STK32B: variants seen among roughly 807,000 people sequenced by gnomAD.
STK32B encodes the protein serine/threonine kinase 32B.
A neutral mutation model predicts 52.6 loss-of-function variants in STK32B; 43 were observed. The ratio of observed to expected loss-of-function variants is 0.82; its 90% CI spans 0.64 to 1.05. The LOEUF (loss-of-function observed/expected upper bound fraction) is 1.05. Ranked by LOEUF, STK32B falls within the 50% of genes least tolerant of loss-of-function variation. The pLI is 0.00. For synonymous variants in STK32B, 238 were observed against 204.3 expected (o/e 1.17, Z -1.41); for missense variants, 621 against 534.6 (o/e 1.16, Z -1.59).
At chr4:5,429,593 G>C (rs994552344) in intron 6 of STK32B, among the ~76,000 whole-genome samples, 11 of 151,638 alleles carry the variant, frequency 7.3e-5, no homozygotes, top group Middle Eastern at 3.5e-3. Context: ...GCTTCAAATA[G>C]TCAATTATAT....
chr4:5,326,330 A>T (rs1731872389), intron 3 of STK32B, among the ~76,000 whole-genome samples: 1 of 152,198 alleles, frequency 6.6e-6, no homozygotes, highest in Non-Finnish European at 1.5e-5. Context: ...AATACATGAA[A>T]AGTTGTAACT....
intron 4 of STK32B, among the ~76,000 whole-genome samples, chr4:5,351,815 A>G (rs371996744): frequency 6.6e-6 from 1 of 152,102 alleles, no homozygotes; most frequent in African/African-American, 2.4e-5. Flanking sequence ...ATCAGATACC[A>G]TGATGAACAA....
At chr4:5,267,209 G>A (rs1727109287) in intron 3 of STK32B, among the ~76,000 whole-genome samples, 1 of 152,192 alleles carries the variant, frequency 6.6e-6, no homozygotes, top group South Asian at 2.1e-4. Flanking sequence ...AGTGAGCAAT[G>A]GGTATTCAAT....
At chr4:5,462,075 GTGTGGGTA>G (rs1047531476) in intron 9 of STK32B, among the ~76,000 whole-genome samples, 3 of 152,314 alleles carry the variant, frequency 2.0e-5, no homozygotes, top group African/African-American at 7.2e-5. Flanking sequence ...CTGTGTGCCT[GTGTGGGTA>G]TGTGTGGAAG....
chr4:5,317,126 A>C (rs1219241161), intron 3 of STK32B, among the ~76,000 whole-genome samples: 1 of 40,864 alleles, frequency 2.4e-5, no homozygotes, highest in Non-Finnish European at 3.5e-5. Context: ...ATAATACATT[A>C]TAATATATAA....
At chr4:5,205,345 A>G (rs764730960) in intron 3 of STK32B, among the ~76,000 whole-genome samples, 1 of 152,152 alleles carries the variant, frequency 6.6e-6, no homozygotes, top group Non-Finnish European at 1.5e-5. Context: ...CTGTGAGCCA[A>G]TGTCTATAGT....
Position 5,294,466 on chromosome 4 carries a change from T to A in STK32B, c.261-36754T>A, listed in dbSNP as rs1000362168. Among the ~76,000 whole-genome samples the A allele has an allele frequency of 7.2e-5, 11 of 152,194 alleles. 1 individual carries two copies. The highest frequency in any genetic ancestry group is 1.0e-4 in the Non-Finnish European group (7 of 68,022). Reference sequence around the variant, plus strand: ...TATTGCCTTGAGCAGTGGTTTATAGTTCTCCTTGAAGGATTTCTTTACATC... The same window carrying A: ...TATTGCCTTGAGCAGTGGTTTATAGATCTCCTTGAAGGATTTCTTTACATC... On this transcript the variant is annotated intron_variant, in intron 3 of 11. Coordinates refer to ENST00000282908, the MANE Select transcript of STK32B (RefSeq NM_018401.3).
chr4:5,023,837 C>A, the STK32B span, among the ~76,000 whole-genome samples: 1 of 152,198 alleles, frequency 6.6e-6, no homozygotes, highest in Non-Finnish European at 1.5e-5. Flanking sequence ...GACACAAACC[C>A]TGCTGTGTGT....
chr4:5,029,178 A>G, the STK32B span, among the ~76,000 whole-genome samples: 7 of 152,242 alleles, frequency 4.6e-5, no homozygotes, highest in East Asian at 5.8e-4. Flanking sequence ...ATCATCCCCA[A>G]TGACCCTTGC....
At chr4:5,072,441 T>C (rs1158701034) in intron 1 of STK32B, among the ~76,000 whole-genome samples, 1 of 152,202 alleles carries the variant, frequency 6.6e-6, no homozygotes, top group African/African-American at 2.4e-5. Flanking sequence ...TTGACTTTTC[T>C]CTTCTTTGCA....
chr4:5,147,643 T>G (rs1241653298), intron 2 of STK32B, among the ~76,000 whole-genome samples: 3 of 152,098 alleles, frequency 2.0e-5, no homozygotes, highest in African/African-American at 7.2e-5. Context: ...CTTGCTGAAT[T>G]CTATCAAATA....
chr4:5,256,375 G>A (rs538713075), intron 3 of STK32B, among the ~76,000 whole-genome samples: 1 of 152,176 alleles, frequency 6.6e-6, no homozygotes, highest in Non-Finnish European at 1.5e-5. Context: ...AGGGCTTGAG[G>A]TCATCTAAGG....
intron 3 of STK32B, among the ~76,000 whole-genome samples, chr4:5,250,579 C>T (rs1024181822): frequency 6.6e-6 from 1 of 152,150 alleles, no homozygotes; most frequent in South Asian, 2.1e-4. Flanking sequence ...TCCCAAAGTG[C>T]TAGGATTACA....
At chr4:5,069,766 G>C (rs576457386) in intron 1 of STK32B, among the ~76,000 whole-genome samples, 1 of 152,306 alleles carries the variant, frequency 6.6e-6, no homozygotes, top group Non-Finnish European at 1.5e-5. Flanking sequence ...TATGACTGAA[G>C]ATTCTATGTG....
Position 5,367,549 on chromosome 4 carries a change from C to T in STK32B, c.435-30658C>T, listed in dbSNP as rs894352445. Among the ~76,000 whole-genome samples the T allele has an allele frequency of 6.6e-5, 10 of 152,176 alleles. No individual in the cohort carries two copies. In the South Asian group the frequency reaches 2.1e-3, roughly 32 times the overall value. The stretch of plus-strand genomic sequence containing the variant: ...TGAATGGAGCATAGGGCTGGAAGGC[C>T]AGCAGACTCAACTGCCTCAATGCTA... On this transcript the variant is annotated intron_variant, in intron 4 of 11. Coordinates refer to ENST00000282908, the MANE Select transcript of STK32B (RefSeq NM_018401.3).
At chr4:5,087,168 G>A (rs551476110) in intron 1 of STK32B, among the ~76,000 whole-genome samples, 49 of 152,090 alleles carry the variant, frequency 3.2e-4, no homozygotes, top group Non-Finnish European at 6.3e-4. Flanking sequence ...AGCATAAAGG[G>A]GATGAATGAA....
At chr4:5,279,314 C>T (rs1360870616) in intron 3 of STK32B, among the ~76,000 whole-genome samples, 1 of 152,172 alleles carries the variant, frequency 6.6e-6, no homozygotes, top group East Asian at 1.9e-4. Flanking sequence ...CAAAGGGCTA[C>T]AGGCCCCAAG....
intron 11 of STK32B, among the ~76,000 whole-genome samples, chr4:5,494,697 G>T (rs1048214281): frequency 1.3e-5 from 2 of 152,148 alleles, no homozygotes; most frequent in Non-Finnish European, 2.9e-5. Context: ...TTGGCATGAT[G>T]TTGCAGTGGC....
chr4:5,180,413 A>G (rs923455275), intron 3 of STK32B, among the ~76,000 whole-genome samples: 1 of 152,184 alleles, frequency 6.6e-6, no homozygotes, highest in African/African-American at 2.4e-5. Context: ...TACAGGTGGG[A>G]CAACTGAGTC....
Sources: gnomAD v4.1 joint callset for allele counts (sites outside exome capture counted in the v4.1 genomes callset) on GRCh38, gnomAD v4.1.1 for gene constraint, MANE v1.5 for transcripts, NCBI Gene and HGNC (gene_info 2026-07-23, HGNC 2026-07-21) for gene names.